Variants in CAMK4 observed in about 807,000 individuals in gnomAD.
The protein encoded by CAMK4 is calcium/calmodulin-dependent protein kinase type IV.
A neutral mutation model predicts 44.9 loss-of-function variants in CAMK4; 22 were observed. The observed-to-expected ratio is 0.49, with a 90% CI of 0.35 to 0.70. CAMK4 has a LOEUF of 0.70. CAMK4 is among the 30% of genes least tolerant of loss of function. The pLI, the probability that CAMK4 is intolerant of heterozygous loss-of-function variation, is 0.01. For missense variants in CAMK4, 498 were observed against 586.8 expected (o/e 0.85, Z 1.56); for synonymous variants, 218 against 215.4 (o/e 1.01, Z -0.11).
intron 1 of CAMK4, among the ~76,000 whole-genome samples, chr5:111,249,658 G>GTA (rs377078281): frequency 0.22 from 21,280 of 96,454 alleles, 1,745 homozygotes; most frequent in Non-Finnish European, 0.31. Context: ...GTGTGTGTGT[G>GTA]TATATATATG....
At position 111,478,450 on chromosome 5, in the gene CAMK4, T is replaced by C; in HGVS notation, c.771T>C (p.Cys257=). ...DQFMFRRILN[C]EYYFISPWWD... is the part of the protein sequence containing the mutation. ...TCATGTTCAGGAGAATTCTGAATTG[T>C]GAATATTACTTTATCTCCCCCTGGT... is the stretch of plus-strand genomic sequence containing the variant. Residue 257 remains cysteine, a synonymous_variant, in exon 9 of 11, where the codon TGT becomes TGC. Transcript: ENST00000282356. 6.4e-7 allele frequency: 1 copy of C among 1,564,072 alleles called. No individual in the cohort carries two copies. Among genetic ancestry groups the C allele is most frequent in the Non-Finnish European group, 8.8e-7 (1 of 1,137,340 alleles).
At chr5:111,390,275 G>A (rs1751752009) in intron 4 of CAMK4, among the ~76,000 whole-genome samples, 1 of 152,052 alleles carries the variant, frequency 6.6e-6, no homozygotes, top group Non-Finnish European at 1.5e-5. Context: ...TGAGGTAATT[G>A]AAATTTTTGC....
chr5:111,350,122 A>T (rs1031057897), intron 2 of CAMK4, among the ~76,000 whole-genome samples: 3 of 152,052 alleles, frequency 2.0e-5, no homozygotes, highest in African/African-American at 4.8e-5. Context: ...GAAGTTATAG[A>T]ATATCTCTCA....
intron 1 of CAMK4, among the ~76,000 whole-genome samples, chr5:111,316,152 C>G (rs755380497): frequency 1.3e-5 from 2 of 152,092 alleles, no homozygotes; most frequent in African/African-American, 4.8e-5. Flanking sequence ...CACATCAAAG[C>G]TTTGACATGT....
chr5:111,265,361 T>C (rs1421468822), intron 1 of CAMK4, among the ~76,000 whole-genome samples: 2 of 152,240 alleles, frequency 1.3e-5, no homozygotes, highest in Admixed American at 6.5e-5. Flanking sequence ...CTGGCTATTA[T>C]CTTTATCTGG....
At position 111,469,817 on chromosome 5, in the gene CAMK4, C is replaced by A. The variant is rs539466288; in HGVS notation, c.626-3494C>A. Among the ~76,000 whole-genome samples, 5 of 152,266 alleles carry A rather than the reference C, an allele frequency of 3.3e-5. No homozygotes were observed. In the East Asian group the frequency reaches 7.7e-4, roughly 23 times the overall value. On this transcript the variant is annotated intron_variant, in intron 7 of 10. Coordinates refer to ENST00000282356, the MANE Select transcript of CAMK4 (RefSeq NM_001744.6). ...TGAATGATCAGTAACACATCCTTTACTAATAATATAATGGGTAGCAGGTTA... is the reference window on the plus strand; with the variant it reads ...TGAATGATCAGTAACACATCCTTTAATAATAATATAATGGGTAGCAGGTTA...
At chr5:111,414,249 A>T (rs1306853126) in intron 5 of CAMK4, among the ~76,000 whole-genome samples, 2 of 152,194 alleles carry the variant, frequency 1.3e-5, no homozygotes, top group African/African-American at 4.8e-5. Flanking sequence ...TGCTATCCTG[A>T]GAAAAAAATT....
At chr5:111,432,213 A>G (rs1162052952) in intron 5 of CAMK4, among the ~76,000 whole-genome samples, 1 of 152,166 alleles carries the variant, frequency 6.6e-6, no homozygotes, top group African/African-American at 2.4e-5. Flanking sequence ...CAAGATGGAT[A>G]GAACTGGAGA....
intron 1 of CAMK4, among the ~76,000 whole-genome samples, chr5:111,247,077 A>T (rs957448182): frequency 6.6e-6 from 1 of 152,034 alleles, no homozygotes; most frequent in South Asian, 2.1e-4. Flanking sequence ...ATCAGAGTTT[A>T]GTAGAGAAAA....
chr5:111,233,868 A>G (rs1748587313), intron 1 of CAMK4, among the ~76,000 whole-genome samples: 1 of 152,194 alleles, frequency 6.6e-6, no homozygotes, highest in South Asian at 2.1e-4. Context: ...TCAGCCACTC[A>G]TATTTCGACT....
Position 111,237,327 on chromosome 5 carries a change from CT to C in CAMK4, c.161+12685del, listed in dbSNP as rs1302426297. Among the ~76,000 whole-genome samples the C allele has an allele frequency of 4.6e-5, 7 of 152,302 alleles. No individual in the cohort carries two copies. The East Asian group carries it at 9.6e-4, about 21-fold the overall frequency. Reference sequence around the variant, plus strand: ...AGGAGATTATCTACCTCTAAGATCCCTTCTAGTCCCAACCATGTGTGCACCT... The same window carrying C: ...AGGAGATTATCTACCTCTAAGATCCCTCTAGTCCCAACCATGTGTGCACCT... On this transcript the variant is annotated intron_variant, in intron 1 of 10. Coordinates refer to ENST00000282356, the MANE Select transcript of CAMK4 (RefSeq NM_001744.6).
At position 111,484,373 on chromosome 5, in the gene CAMK4, T is replaced by C. The variant is rs752142416; in HGVS notation, c.1329T>C (p.Thr443=). ...EEGLAEEKLK[T]VEEAAAPREG... ...GCCTAGCAGAGGAGAAGCTGAAGAC[T>C]GTGGAGGAGGCAGCAGCTCCCAGAG... The change falls in exon 11 of 11, where the codon ACT becomes ACC. Residue 443 remains threonine, a synonymous_variant. Coordinates refer to ENST00000282356, the MANE Select transcript of CAMK4 (RefSeq NM_001744.6). This position sits in a 1 kb window ranked among gnomAD's most constrained non-coding sequence, Gnocchi z 5.3. The C allele has an allele frequency of 6.2e-7, 1 of 1,601,088 alleles. No homozygotes were observed. Among genetic ancestry groups the C allele is most frequent in the South Asian group, 1.1e-5 (1 of 89,224 alleles).
chr5:111,357,889 T>C (rs1470820798), intron 2 of CAMK4: 1 of 152,056 alleles, frequency 6.6e-6, no homozygotes. Context: ...TAGAGAAGTG[T>C]CATGTTCAAA....
intron 4 of CAMK4, among the ~76,000 whole-genome samples, chr5:111,391,389 G>A (rs1294094052): frequency 6.6e-6 from 1 of 152,112 alleles, no homozygotes; most frequent in Non-Finnish European, 1.5e-5. Context: ...GACGGCAACA[G>A]AAAAGTATCT....
chr5:111,293,616 G>A (rs1747365482), intron 1 of CAMK4, among the ~76,000 whole-genome samples: 1 of 151,614 alleles, frequency 6.6e-6, no homozygotes, highest in Admixed American at 6.6e-5. Flanking sequence ...TAGTTGAGAC[G>A]GGGTTTTACC....
intron 2 of CAMK4, among the ~76,000 whole-genome samples, chr5:111,372,116 T>A (rs556147386): frequency 4.4e-4 from 67 of 152,290 alleles, no homozygotes; most frequent in Non-Finnish European, 8.7e-4. Context: ...TGGCAAGAGT[T>A]CTTATGAATG....
intron 7 of CAMK4, among the ~76,000 whole-genome samples, chr5:111,466,048 T>G (rs943783352): frequency 6.6e-6 from 1 of 152,074 alleles, no homozygotes; most frequent in Non-Finnish European, 1.5e-5. Flanking sequence ...GTTTAACATA[T>G]GCAAGTCAAT....
At chr5:111,236,475 T>C (rs1234533716) in intron 1 of CAMK4, among the ~76,000 whole-genome samples, 1 of 152,264 alleles carries the variant, frequency 6.6e-6, no homozygotes, top group African/African-American at 2.4e-5. Context: ...AAGCACCTTG[T>C]CTAAGCTCAC....
In CAMK4 at chr5:111,493,415, G is replaced by A. The variant is rs1755930895; in HGVS notation, c.*8949G>A. 6.6e-6 allele frequency: 1 copy of A among 152,136 alleles called. No individual in the cohort carries two copies. The highest frequency in any genetic ancestry group is 1.5e-5 in the Non-Finnish European group (1 of 68,028). The allele number at this position is 152,136 out of a possible 1,614,324, so 9.4% of individuals were successfully genotyped here. A position where few individuals can be genotyped will look rare whatever the true frequency, so the allele number is the denominator to read the frequency against. ...CTCCAATTTCTGAAAAATGTCTCAT[G>A]ACTCCAAAAAATCACGTACTTCCTA... On this transcript the variant is annotated 3_prime_UTR_variant, in exon 11 of 11. Transcript: ENST00000282356. The surrounding 1 kb of genome is among the most constrained non-coding windows in gnomAD (Gnocchi z 4.1).
Sources: gnomAD v4.1 joint callset for allele counts (sites outside exome capture counted in the v4.1 genomes callset) on GRCh38, gnomAD v4.1.1 for gene constraint, Gnocchi (gnomAD v3.1) non-coding constraint, MANE v1.5 for transcripts, NCBI Gene and HGNC (gene_info 2026-07-23, HGNC 2026-07-21) for gene names.